Variants in ZFYVE9 observed in about 807,000 individuals in gnomAD.
The protein encoded by ZFYVE9 is zinc finger FYVE-type containing 9, also known as zinc finger FYVE domain-containing protein 9.
A neutral mutation model predicts 126.7 loss-of-function variants in ZFYVE9; 43 were observed. That is an observed-to-expected ratio of 0.34 (90% CI 0.27 to 0.44). The LOEUF (loss-of-function observed/expected upper bound fraction) is 0.44. Ranked by LOEUF, ZFYVE9 falls within the 20% of genes least tolerant of loss-of-function variation. The pLI is 1.00. For synonymous variants in ZFYVE9, 521 were observed against 597.4 expected (o/e 0.87, Z 1.87); for missense variants, 1,476 against 1,697.0 (o/e 0.87, Z 2.29).
chr1:52,241,756 A>G (rs1187546943), intron 4 of ZFYVE9, among the ~76,000 whole-genome samples: 1 of 152,146 alleles, frequency 6.6e-6, no homozygotes, highest in Non-Finnish European at 1.5e-5. Flanking sequence ...AAAATCCTTG[A>G]GCTTCTCAGA....
rs1477860354 is a variant in ZFYVE9, at chr1:52,238,290, G to A, written c.873G>A (p.Glu291=). The A allele has an allele frequency of 1.9e-6, 3 of 1,613,764 alleles. No homozygotes were observed. Among genetic ancestry groups the A allele is most frequent in the Non-Finnish European group, 1.7e-6 (2 of 1,179,974 alleles). Residue 291 remains glutamate, a synonymous_variant, in exon 4 of 19, where the codon GAG becomes GAA. Coordinates refer to ENST00000287727, the MANE Select transcript of ZFYVE9 (RefSeq NM_004799.4). ...VKKQENYIPD[E]DLTGKISSPR... ...AGCAAGAGAACTATATACCAGATGA[G>A]GACCTCACTGGCAAAATCAGCTCTC...
Position 52,142,775 on chromosome 1 carries a change from A to G in ZFYVE9, c.-143+372A>G, listed in dbSNP as rs1644272210. 6.6e-6 allele frequency among the ~76,000 whole-genome samples: 1 copy of G among 152,168 alleles called. No homozygotes were observed. The highest frequency in any genetic ancestry group is 2.4e-5 in the African/African-American group (1 of 41,460). ...GGGAGGCAGATGACGCCTGTTTGCA[A>G]ACAAGCTTTGGCTTCCACGCGTCCC... On this transcript the variant is annotated intron_variant, in intron 1 of 18. Coordinates refer to ENST00000287727, the MANE Select transcript of ZFYVE9 (RefSeq NM_004799.4). This position sits in a 1 kb window ranked among gnomAD's most constrained non-coding sequence, Gnocchi z 4.5.
chr1:52,160,675 CA>C (rs1472271161), intron 1 of ZFYVE9: 2 of 577,978 alleles, frequency 3.5e-6, no homozygotes, highest in African/African-American at 3.8e-5. Context: ...CGGCCTCCTG[CA>C]GTGCTGGGAT....
intron 1 of ZFYVE9, among the ~76,000 whole-genome samples, chr1:52,163,984 C>CAA (rs1413989537): frequency 1.3e-5 from 2 of 152,008 alleles, no homozygotes; most frequent in Non-Finnish European, 2.9e-5. Flanking sequence ...GACAGGGTCT[C>CAA]ACTGTTGCCC....
At chr1:52,296,727 C>T (rs1268551106) in intron 12 of ZFYVE9, among the ~76,000 whole-genome samples, 1 of 113,872 alleles carries the variant, frequency 8.8e-6, no homozygotes, top group African/African-American at 3.4e-5. Flanking sequence ...GCTACTGGGC[C>T]TCCCTTTTTA....
chr1:52,327,760 G>T (rs1242473033), intron 13 of ZFYVE9, among the ~76,000 whole-genome samples: 1 of 152,086 alleles, frequency 6.6e-6, no homozygotes, highest in Non-Finnish European at 1.5e-5. Flanking sequence ...GGTCACTTAA[G>T]CTCAGGAGTT....
chr1:52,221,927 C>G (rs1645127734), intron 2 of ZFYVE9, among the ~76,000 whole-genome samples: 1 of 152,074 alleles, frequency 6.6e-6, no homozygotes, highest in African/African-American at 2.4e-5. Flanking sequence ...AGAGTTAATC[C>G]ACAGATGACA....
intron 4 of ZFYVE9, among the ~76,000 whole-genome samples, chr1:52,260,005 A>G (rs1481229943): frequency 1.3e-5 from 2 of 152,136 alleles, no homozygotes; most frequent in Non-Finnish European, 2.9e-5. Flanking sequence ...TATAAACAAT[A>G]TGGAGATAAT....
At chr1:52,213,692 A>G (rs558082152) in intron 1 of ZFYVE9, among the ~76,000 whole-genome samples, 27 of 152,148 alleles carry the variant, frequency 1.8e-4, no homozygotes, top group African/African-American at 5.5e-4. Context: ...CACACACACC[A>G]TTTATTTTCT....
At chr1:52,268,667 C>G in intron 7 of ZFYVE9, 35 bp downstream of exon 7, 1 of 1,602,614 alleles carries the variant, frequency 6.2e-7, no homozygotes. Flanking sequence ...AATTGCATAG[C>G]TACTTTACTC....
At position 52,239,577 on chromosome 1, in the gene ZFYVE9, C is replaced by G. The variant is rs781628187; in HGVS notation, c.2160C>G (p.His720Gln). 1 of 1,612,176 alleles carries G rather than the reference C, an allele frequency of 6.2e-7. No individual in the cohort carries two copies. The highest frequency in any genetic ancestry group is 1.3e-5 in the African/African-American group (1 of 74,898). ...ARFTFTKRRH[H>Q]CRACGKVFCA... ...TTACATTCACCAAAAGGAGGCATCA[C>G]TGCAGAGCATGTGGGAAGGTAAGTT... is the stretch of plus-strand genomic sequence containing the variant. Residue 720 changes from histidine to glutamine, a missense_variant, in exon 4 of 19, where the codon CAC becomes CAG. This residue lies in a region of ZFYVE9 where 669 missense variants were observed against 902.4 expected (regional missense o/e 0.74). Coordinates refer to ENST00000287727, the MANE Select transcript of ZFYVE9 (RefSeq NM_004799.4).
At chr1:52,173,763 C>T (rs1644595280) in intron 1 of ZFYVE9, among the ~76,000 whole-genome samples, 1 of 152,148 alleles carries the variant, frequency 6.6e-6, no homozygotes, top group Non-Finnish European at 1.5e-5. Context: ...TTATCCATTT[C>T]TTCTAGATTT....
intron 4 of ZFYVE9, among the ~76,000 whole-genome samples, chr1:52,255,913 C>CTTTTCTT (rs1014385054): frequency 3.2e-5 from 2 of 62,030 alleles, no homozygotes; most frequent in African/African-American, 1.1e-4. Context: ...CTTTTCTTTT[C>CTTTTCTT]TTTTCTTTTC....
intron 1 of ZFYVE9, among the ~76,000 whole-genome samples, chr1:52,177,314 A>G (rs2124533719): frequency 6.6e-6 from 1 of 151,982 alleles, no homozygotes; most frequent in African/African-American, 2.4e-5. Flanking sequence ...CAACCTGGCT[A>G]ATTTTTGTAT....
intron 4 of ZFYVE9, among the ~76,000 whole-genome samples, chr1:52,255,783 C>T (rs1164439390): frequency 4.6e-5 from 7 of 151,632 alleles, no homozygotes; most frequent in African/African-American, 9.7e-5. Flanking sequence ...GTCTCAGTTA[C>T]TTGGGAGGTC....
intron 5 of ZFYVE9, 75 bp downstream of exon 5, chr1:52,263,947 C>A: frequency 2.2e-6 from 2 of 924,604 alleles, no homozygotes; most frequent in South Asian, 1.9e-5. Flanking sequence ...ACTTTTTTCC[C>A]CCTGCCTTTC....
intron 1 of ZFYVE9, among the ~76,000 whole-genome samples, chr1:52,211,418 C>T (rs1645027611): frequency 6.6e-6 from 1 of 152,178 alleles, no homozygotes; most frequent in East Asian, 1.9e-4. Context: ...CCATCCCTAC[C>T]TGAGAACCCT....
rs1312948325 is a variant in ZFYVE9, at chr1:52,239,165, A to G, written c.1748A>G (p.Gln583Arg). The change falls in exon 4 of 19, where the codon CAA becomes CGA. Residue 583 changes from glutamine (Q) to arginine (R), a missense_variant. By Grantham distance (43) the Gln-to-Arg change is conservative. Around this residue, in one of 2 missense-constraint regions of ZFYVE9, gnomAD observed 807 missense variants for 794.6 expected, o/e 1.02. Coordinates refer to ENST00000287727, the MANE Select transcript of ZFYVE9 (RefSeq NM_004799.4). ...CCTTTTGGTGGTGCAAGACCCAAGC[A>G]ACCTTCTAATCTTAAACTTCAAATT... ...SVPFGGARPK[Q>R]PSNLKLQIPK... The G allele has an allele frequency of 8.7e-6, 14 of 1,614,150 alleles. No homozygotes were observed. The highest frequency in any genetic ancestry group is 1.2e-5 in the Non-Finnish European group (14 of 1,180,018).
chr1:52,230,828 T>C (rs1346661896), intron 2 of ZFYVE9, among the ~76,000 whole-genome samples: 1 of 152,252 alleles, frequency 6.6e-6, no homozygotes, highest in Admixed American at 6.5e-5. Context: ...TAATTTTATC[T>C]GACAGGTTAA....
Sources: allele counts gnomAD v4.1 joint callset (sites outside exome capture counted in the v4.1 genomes callset), GRCh38; gene constraint gnomAD v4.1.1; regional missense constraint gnomAD v4.1.1; non-coding constraint Gnocchi (gnomAD v3.1); transcripts MANE v1.5; gene names NCBI Gene and HGNC (gene_info 2026-07-23, HGNC 2026-07-21).